The following METTL16 variants were observed in gnomAD, a reference collection of about 807,000 sequenced individuals.
The protein encoded by METTL16 is RNA N(6)-adenosine-methyltransferase METTL16.
METTL16 carries 19 observed loss-of-function variants against 57.9 expected under a neutral mutation model. The observed-to-expected ratio is 0.33, with a 90% confidence interval of 0.23 to 0.48. The LOEUF (loss-of-function observed/expected upper bound fraction) is 0.48, where lower values mean the gene tolerates loss of function less well. Ranked by LOEUF, METTL16 falls within the 20% of genes least tolerant of loss-of-function variation. The pLI, the probability that METTL16 is intolerant of heterozygous loss-of-function variation, is 0.99. For synonymous variants in METTL16, 246 were observed against 255.6 expected (o/e 0.96, Z 0.36); for missense variants, 434 against 691.5 (o/e 0.63, Z 4.18).
intron 6 of METTL16, 128 bp downstream of exon 6, chr17:2,464,080 G>T: frequency 1.1e-6 from 1 of 925,310 alleles, no homozygotes. Flanking sequence ...CTGAGATCAC[G>T]CCACTGCACT....
chr17:2,477,140 A>G (rs1239834450), intron 3 of METTL16, among the ~76,000 whole-genome samples: 1 of 152,154 alleles, frequency 6.6e-6, no homozygotes, highest in Non-Finnish European at 1.5e-5. Flanking sequence ...CCAGGAGTCA[A>G]GACCAACCTG....
chr17:2,416,734 A>C lies in METTL16; in HGVS notation c.*3236T>G, dbSNP rs1275196370. 4.6e-5 allele frequency: 7 copies of C among 152,220 alleles called. No individual in the cohort carries two copies. The highest frequency in any genetic ancestry group is 1.7e-4 in the African/African-American group (7 of 41,450). 9.4% of individuals were successfully genotyped at this position (152,220 alleles called of 1,614,324 possible). A position where few individuals can be genotyped will look rare whatever the true frequency, so the allele number is the denominator to read the frequency against. ...AAGAGAATGTAGGGTCACATCACCA[A>C]GATTTAATTTCATACCAACCCCGCA... On this transcript the variant is annotated 3_prime_UTR_variant, in exon 10 of 10. Transcript: ENST00000263092.
chr17:2,455,710 T>C (rs2067105080), intron 6 of METTL16, among the ~76,000 whole-genome samples: 1 of 152,130 alleles, frequency 6.6e-6, no homozygotes. Flanking sequence ...CCAGGTGCAA[T>C]GGTTCACGCC....
intron 6 of METTL16, among the ~76,000 whole-genome samples, chr17:2,442,819 G>C (rs1399397606): frequency 2.0e-5 from 3 of 150,816 alleles, no homozygotes; most frequent in Non-Finnish European, 4.4e-5. Context: ...GGAAGAAATA[G>C]ATAACTTCAA....
chr17:2,510,346 G>A (rs1265625566), intron 1 of METTL16, among the ~76,000 whole-genome samples: 2 of 152,136 alleles, frequency 1.3e-5, no homozygotes, highest in African/African-American at 4.8e-5. Flanking sequence ...CATTGTTGCT[G>A]ACTTTAGTCA....
intron 2 of METTL16, among the ~76,000 whole-genome samples, chr17:2,491,873 T>C (rs1290628553): frequency 2.4e-5 from 2 of 82,654 alleles, no homozygotes; most frequent in Non-Finnish European, 4.1e-5. Flanking sequence ...AGACACCGTC[T>C]CACAAAAAAA....
At chr17:2,486,526 C>T (rs948057462) in intron 2 of METTL16, among the ~76,000 whole-genome samples, 1 of 152,070 alleles carries the variant, frequency 6.6e-6, no homozygotes, top group African/African-American at 2.4e-5. Context: ...CCGCCTCGAC[C>T]TCCCAAAGTG....
chr17:2,489,073 A>G (rs4790339), intron 2 of METTL16, among the ~76,000 whole-genome samples: 19,324 of 152,072 alleles, frequency 0.13, 1,338 homozygotes, highest in South Asian at 0.21. Flanking sequence ...GGCAAAATAA[A>G]AAATTGTACC....
At position 2,464,873 on chromosome 17, in the gene METTL16, C is replaced by T. The variant is rs1435312004; in HGVS notation, c.586-523G>A. Among the ~76,000 whole-genome samples, 9 of 152,026 alleles carry T rather than the reference C, an allele frequency of 5.9e-5. No individual in the cohort carries two copies. In the East Asian group the frequency reaches 9.6e-4, roughly 16 times the overall value. ...ATTTTCATGAGCTTGGATTAGGCAACGGTTTCTGAGACATGACAACAAAAG... is the reference window on the plus strand; with the variant it reads ...ATTTTCATGAGCTTGGATTAGGCAATGGTTTCTGAGACATGACAACAAAAG... On this transcript the variant is annotated intron_variant, in intron 5 of 9. Coordinates refer to ENST00000263092, the MANE Select transcript of METTL16 (RefSeq NM_024086.4).
intron 5 of METTL16, 37 bp downstream of exon 5, chr17:2,467,724 C>G (rs1284684299): frequency 1.3e-6 from 2 of 1,537,744 alleles, no homozygotes; most frequent in Non-Finnish European, 1.8e-6. Context: ...CCGCGCCCAG[C>G]CTATATTCAA....
At chr17:2,454,581 T>TG (rs1457112414) in intron 6 of METTL16, among the ~76,000 whole-genome samples, 1 of 148,882 alleles carries the variant, frequency 6.7e-6, no homozygotes, top group Non-Finnish European at 1.5e-5. Flanking sequence ...TTTTTTTTTT[T>TG]TGAGACGGAG....
At chr17:2,473,433 T>G (rs1005184698) in intron 4 of METTL16, 91 bp downstream of exon 4, 8 of 1,394,728 alleles carry the variant, frequency 5.7e-6, no homozygotes, top group Non-Finnish European at 7.7e-6. Context: ...TACCGAAGTC[T>G]GTGTATTAAA....
At chr17:2,469,089 T>TAA (rs148101125) in intron 4 of METTL16, among the ~76,000 whole-genome samples, 1,620 of 151,906 alleles carry the variant, frequency 0.011, 35 homozygotes, top group African/African-American at 0.037. Context: ...TTACAAAACT[T>TAA]AGACGGGTGT....
chr17:2,497,550 C>A (rs1166368101), intron 2 of METTL16, among the ~76,000 whole-genome samples: 1 of 151,086 alleles, frequency 6.6e-6, no homozygotes, highest in African/African-American at 2.5e-5. Flanking sequence ...TGAGCTCAAG[C>A]CATTCGCTGG....
chr17:2,478,899 C>A (rs1367760206), intron 2 of METTL16, among the ~76,000 whole-genome samples: 1 of 152,178 alleles, frequency 6.6e-6, no homozygotes, highest in Non-Finnish European at 1.5e-5. Context: ...TTGTTTCCAT[C>A]ACGGTCATGA....
chr17:2,499,040 C>T (rs1034935464), intron 2 of METTL16, among the ~76,000 whole-genome samples: 1 of 151,624 alleles, frequency 6.6e-6, no homozygotes, highest in Admixed American at 6.6e-5. Flanking sequence ...GAGACCATTT[C>T]GGTTTCAAAT....
At position 2,428,118 on chromosome 17, in the gene METTL16, A is replaced by G. The variant is rs75055644; in HGVS notation, c.889-7214T>C. On this transcript the variant is annotated intron_variant, in intron 8 of 9. Coordinates refer to ENST00000263092, the MANE Select transcript of METTL16 (RefSeq NM_024086.4). ...ACTTGCAACATATTTCATCTTAAAA[A>G]TAGTAATTCCTAGCTCTGCTGAAAA... Among the ~76,000 whole-genome samples, 491 of 152,186 alleles carry G rather than the reference A, an allele frequency of 3.2e-3. 2 individuals are homozygous for G. Among genetic ancestry groups the G allele is most frequent in the African/African-American group, 0.011 (468 of 41,532 alleles).
rs1053981850 is a variant in METTL16, at chr17:2,416,986, A to C, written c.*2984T>G. The C allele has an allele frequency of 4.6e-5, 7 of 151,556 alleles. No individual in the cohort carries two copies. The highest frequency in any genetic ancestry group is 7.3e-5 in the African/African-American group (3 of 41,188). The allele number at this position is 151,556 out of a possible 1,614,324, so 9.4% of individuals were successfully genotyped here. A position where few individuals can be genotyped will look rare whatever the true frequency, so the allele number is the denominator to read the frequency against. ...GTAGCCTAAGAAAATCTTCTCAGGGAAGGAAATGGAAACATCCAAATGCAC... is the reference window on the plus strand; with the variant it reads ...GTAGCCTAAGAAAATCTTCTCAGGGCAGGAAATGGAAACATCCAAATGCAC... On this transcript the variant is annotated 3_prime_UTR_variant, in exon 10 of 10. Transcript: ENST00000263092.
At chr17:2,510,910 T>A (rs907718346) in intron 1 of METTL16, among the ~76,000 whole-genome samples, 4 of 152,152 alleles carry the variant, frequency 2.6e-5, no homozygotes, top group Admixed American at 2.0e-4. Flanking sequence ...AATTTACCCA[T>A]CTGGCATTCC....
Sources: gnomAD v4.1 joint callset for allele counts (sites outside exome capture counted in the v4.1 genomes callset) on GRCh38, gnomAD v4.1.1 for gene constraint, MANE v1.5 for transcripts, NCBI Gene and HGNC (gene_info 2026-07-23, HGNC 2026-07-21) for gene names.